The following PPM1L variants were observed in gnomAD, a reference collection of about 807,000 sequenced individuals.
PPM1L encodes protein phosphatase 1L.
PPM1L carries 13 observed loss-of-function variants against 31.4 expected under a neutral mutation model. That is an observed-to-expected ratio of 0.41 (90% CI 0.27 to 0.66). PPM1L has a LOEUF of 0.66. Ranked by LOEUF, PPM1L falls within the 30% of genes least tolerant of loss-of-function variation. The pLI is 0.29. For synonymous variants in PPM1L, 184 were observed against 175.4 expected, an observed-to-expected ratio of 1.05 and a Z score of -0.39; for missense variants, 326 against 453.7, an observed-to-expected ratio of 0.72 and a Z score of 2.56.
chr3:160,766,576 C>CCT (rs1715106377), intron 1 of PPM1L, among the ~76,000 whole-genome samples: 1 of 152,118 alleles, frequency 6.6e-6, no homozygotes, highest in Admixed American at 6.5e-5. Context: ...TTTCCTGAGG[C>CCT]CTCCCCAGCC....
chr3:160,770,688 G>A (rs1460397247), intron 1 of PPM1L, among the ~76,000 whole-genome samples: 4 of 152,176 alleles, frequency 2.6e-5, no homozygotes, highest in Admixed American at 6.5e-5. Context: ...ACAGGATAAC[G>A]ATTCTGCACG....
Position 161,012,887 on chromosome 3 carries a change from A to G in PPM1L, c.574+50977A>G, listed in dbSNP as rs368629993. On this transcript the variant is annotated intron_variant, in intron 2 of 3. Coordinates refer to ENST00000498165, the MANE Select transcript of PPM1L (RefSeq NM_139245.4). ...TATCCCCTTTATCATTTTTTATTGCATCTATTTGATTCTTCTCTCTTTTTT... is the reference window on the plus strand; with the variant it reads ...TATCCCCTTTATCATTTTTTATTGCGTCTATTTGATTCTTCTCTCTTTTTT... 2.2e-3 allele frequency among the ~76,000 whole-genome samples: 330 copies of G among 151,636 alleles called. 3 individuals carry two copies. Among genetic ancestry groups the G allele is most frequent in the East Asian group, 0.012 (63 of 5,146 alleles).
intron 1 of PPM1L, among the ~76,000 whole-genome samples, chr3:160,875,251 C>T (rs1248373401): frequency 6.6e-6 from 1 of 152,162 alleles, no homozygotes; most frequent in Non-Finnish European, 1.5e-5. Context: ...CACATTTTTG[C>T]ATCTTACAGT....
At chr3:160,976,810 C>T (rs1244337734) in intron 2 of PPM1L, among the ~76,000 whole-genome samples, 4 of 151,970 alleles carry the variant, frequency 2.6e-5, no homozygotes, top group African/African-American at 4.8e-5. Context: ...TTTGTTGATC[C>T]TTTCAAAAAA....
At chr3:160,825,427 G>A (rs1182613376) in intron 1 of PPM1L, among the ~76,000 whole-genome samples, 1 of 152,048 alleles carries the variant, frequency 6.6e-6, no homozygotes, top group South Asian at 2.1e-4. Flanking sequence ...TTAAAATACT[G>A]TTAACAATAG....
chr3:160,880,196 T>C (rs953382733), intron 1 of PPM1L, among the ~76,000 whole-genome samples: 11 of 152,312 alleles, frequency 7.2e-5, no homozygotes, highest in Non-Finnish European at 1.5e-4. Flanking sequence ...TGACCATTTT[T>C]TTTTATCTTT....
At chr3:160,979,018 A>G (rs1027733028) in intron 2 of PPM1L, among the ~76,000 whole-genome samples, 5 of 152,058 alleles carry the variant, frequency 3.3e-5, no homozygotes, top group Non-Finnish European at 7.4e-5. Flanking sequence ...ATTCACATGC[A>G]TTTATAGAAA....
At chr3:161,060,642 A>G (rs1303404399) in intron 2 of PPM1L, among the ~76,000 whole-genome samples, 2 of 151,272 alleles carry the variant, frequency 1.3e-5, no homozygotes, top group African/African-American at 4.9e-5. Flanking sequence ...TTATGGTGCC[A>G]TTTTCTGAGG....
intron 1 of PPM1L, among the ~76,000 whole-genome samples, chr3:160,875,009 C>T: frequency 6.6e-6 from 1 of 152,186 alleles, no homozygotes; most frequent in East Asian, 1.9e-4. Flanking sequence ...GAAATAAACT[C>T]TGAGCCCTTC....
intron 1 of PPM1L, among the ~76,000 whole-genome samples, chr3:160,797,110 C>A (rs1355581240): frequency 6.6e-6 from 1 of 152,088 alleles, no homozygotes; most frequent in Non-Finnish European, 1.5e-5. Flanking sequence ...CGTGGCAACC[C>A]CATGTTGAGC....
rs75599237 is a variant in PPM1L at position 160,973,764 on chromosome 3, GTTTTTTTTTTTTT to G, written c.574+11871_574+11883del. Among the ~76,000 whole-genome samples the G allele has an allele frequency of 8.7e-4, 77 of 88,460 alleles. 2 individuals are homozygous for G. The highest frequency in any genetic ancestry group is 2.5e-3 in the East Asian group (10 of 3,926). The allele number at this position is 88,460 out of a possible 152,430, so 58.0% of individuals were successfully genotyped here. ...GGTAAATTGCCTTCTGAAAGGCCCT[GTTTTTTTTTTTTT>G]TTTTTTTTTTTTTTTTAACCAAGAC... On this transcript the variant is annotated intron_variant, in intron 2 of 3. Transcript: ENST00000498165.
intron 1 of PPM1L, among the ~76,000 whole-genome samples, chr3:160,760,272 A>G (rs1211334341): frequency 6.6e-6 from 1 of 152,208 alleles, no homozygotes; most frequent in East Asian, 1.9e-4. Context: ...TAATTAAGAA[A>G]TTGGTATTCT....
rs1311095232 is a variant in PPM1L at position 161,072,965 on chromosome 3, G to A, written c.*3808G>A. ...ACACCAGCATTTGTCATCCAGCTCT[G>A]GAGAAATGACATGACTGTTAGATAC... On this transcript the variant is annotated 3_prime_UTR_variant, in exon 4 of 4. Coordinates refer to ENST00000498165, the MANE Select transcript of PPM1L (RefSeq NM_139245.4). 1 of 152,134 alleles carries A rather than the reference G, an allele frequency of 6.6e-6. No homozygotes were observed. Among genetic ancestry groups the A allele is most frequent in the Admixed American group, 6.5e-5 (1 of 15,268 alleles). The allele number at this position is 152,134 out of a possible 1,614,324, so 9.4% of individuals were successfully genotyped here.
intron 2 of PPM1L, among the ~76,000 whole-genome samples, chr3:161,034,420 T>C (rs1214923367): frequency 2.6e-5 from 4 of 152,126 alleles, no homozygotes; most frequent in Non-Finnish European, 5.9e-5. Flanking sequence ...CTGTTCACAA[T>C]AGCAAAGACT....
intron 1 of PPM1L, among the ~76,000 whole-genome samples, chr3:160,805,688 C>T (rs1712578511): frequency 6.6e-6 from 1 of 152,170 alleles, no homozygotes; most frequent in South Asian, 2.1e-4. Context: ...TGCCGTTGCA[C>T]TCCAGCCTGG....
rs35886507 is a variant in PPM1L, at chr3:161,006,402, G to A, written c.574+44492G>A. ...GATGGGGATAGAGTTTCAGTTTTGG[G>A]AGATGAAAAAATTCTAAAGATCTGT... On this transcript the variant is annotated intron_variant, in intron 2 of 3. Coordinates refer to ENST00000498165, the MANE Select transcript of PPM1L (RefSeq NM_139245.4). Among the ~76,000 whole-genome samples the A allele has an allele frequency of 6.6e-5, 10 of 152,228 alleles. No individual in the cohort carries two copies. In the South Asian group the frequency reaches 2.1e-3, roughly 32 times the overall value.
intron 1 of PPM1L, among the ~76,000 whole-genome samples, chr3:160,846,609 G>T (rs1037069479): frequency 2.0e-5 from 3 of 152,038 alleles, no homozygotes; most frequent in African/African-American, 7.2e-5. Flanking sequence ...GATAACTGAG[G>T]ATTAGAATAT....
chr3:160,933,562 C>T (rs1003747726), intron 1 of PPM1L, among the ~76,000 whole-genome samples: 1 of 152,134 alleles, frequency 6.6e-6, no homozygotes, highest in Non-Finnish European at 1.5e-5. Context: ...CTTGCCTCCT[C>T]ATTATTTGGA....
At chr3:160,985,011 A>G (rs1362240977) in intron 2 of PPM1L, among the ~76,000 whole-genome samples, 1 of 152,146 alleles carries the variant, frequency 6.6e-6, no homozygotes, top group Non-Finnish European at 1.5e-5. Context: ...CATTTATCTA[A>G]CCAAAATGTA....
Sources: gnomAD v4.1 joint callset for allele counts (sites outside exome capture counted in the v4.1 genomes callset) on GRCh38, gnomAD v4.1.1 for gene constraint, MANE v1.5 for transcripts, NCBI Gene and HGNC (gene_info 2026-07-23, HGNC 2026-07-21) for gene names.